The following RHBDF1 variants were observed in gnomAD, a reference collection of about 807,000 sequenced individuals.
RHBDF1 encodes the protein inactive rhomboid protein 1.
Under a neutral mutation model 98.6 loss-of-function variants are expected in RHBDF1, and 80 were observed. That is an observed-to-expected ratio of 0.81 (90% confidence interval 0.68 to 0.98). The LOEUF is 0.98. Among genes scored for constraint, RHBDF1 ranks in the 50% least tolerant of loss-of-function variants. The pLI, the probability that RHBDF1 is intolerant of heterozygous loss-of-function variation, is 0.00. For missense variants in RHBDF1, 1,116 were observed against 1,198.3 expected, an observed-to-expected ratio of 0.93 and a Z score of 1.01; for synonymous variants, 512 against 486.8, an observed-to-expected ratio of 1.05 and a Z score of -0.68.
chr16:64,346 A>G, intron 3 of RHBDF1: 32 of 1,362,364 alleles, frequency 2.3e-5, no homozygotes, highest in Non-Finnish European at 3.1e-5. Flanking sequence ...AGCAGGGACC[A>G]AGAGAGAGAC....
chr16:66,318 A>G (rs1897829172), intron 1 of RHBDF1, among the ~76,000 whole-genome samples: 1 of 152,170 alleles, frequency 6.6e-6, no homozygotes, highest in Non-Finnish European at 1.5e-5. Flanking sequence ...AACTGCTTGG[A>G]GGAAAGCCCC....
Position 61,806 on chromosome 16 carries a change from G to T in RHBDF1, c.1200C>A (p.Asp400Glu). 1.9e-6 allele frequency: 3 copies of T among 1,612,750 alleles called. No homozygotes were observed. The highest frequency in any genetic ancestry group is 2.5e-6 in the Non-Finnish European group (3 of 1,179,688). ...TTGCCTGCCACGCCTACCTGTGGTC[G>T]TCCATGTCCTCGATCTGGCGCTTGA... is the stretch of plus-strand genomic sequence containing the variant. ...SFVKRQIEDMDDHRPFFTYWL... is the reference protein window; with the variant it reads ...SFVKRQIEDMEDHRPFFTYWL... Residue 400 changes from aspartate to glutamate, a missense_variant, in exon 8 of 18, where the codon GAC becomes GAA. By Grantham distance (45) the Asp-to-Glu change is conservative (BLOSUM62 2). Coordinates refer to ENST00000262316, the MANE Select transcript of RHBDF1 (RefSeq NM_022450.5).
Position 58,616 on chromosome 16 carries a change from C to T in RHBDF1, c.2292G>A (p.Leu764=). The T allele has an allele frequency of 6.2e-7, 1 of 1,613,634 alleles. No homozygotes were observed. The stretch of plus-strand genomic sequence containing the variant: ...TGTGGGCAAAGTTGTCAATCCACGG[C>T]AGCAGCCCAAAGGTGAAGAGGAAGA... ...VVLFLFTFGL[L]PWIDNFAHIS... Residue 764 remains leucine, a synonymous_variant, in exon 18 of 18, where the codon CTG becomes CTA. Coordinates refer to ENST00000262316, the MANE Select transcript of RHBDF1 (RefSeq NM_022450.5).
chr16:73,126 G>A (rs926114714), upstream of RHBDF1, among the ~76,000 whole-genome samples: 1 of 152,008 alleles, frequency 6.6e-6, no homozygotes, highest in African/African-American at 2.4e-5. Flanking sequence ...ATACACACAC[G>A]TCCCCACATC....
chr16:62,373 C>G (rs1443117136), intron 7 of RHBDF1, among the ~76,000 whole-genome samples, 165 bp downstream of exon 7: 1 of 152,188 alleles, frequency 6.6e-6, no homozygotes, highest in Non-Finnish European at 1.5e-5. Context: ...GGGGCCATGC[C>G]CAGCTCTGCG....
Position 63,671 on chromosome 16 carries a change from C to T in RHBDF1, c.378G>A (p.Leu126=). Residue 126 remains leucine (L), a synonymous_variant, in exon 4 of 18, where the codon CTG becomes CTA. Coordinates refer to ENST00000262316, the MANE Select transcript of RHBDF1 (RefSeq NM_022450.5). ...LKPQVLRELD[L]PSQDNVSLTS... ...TCAGCGACACGTTGTCCTGGCTGGG[C>T]AGGTCCAGCTCCCGGAGGACCTGGG... 6.2e-7 allele frequency: 1 copy of T among 1,612,142 alleles called. No homozygotes were observed. The highest frequency in any genetic ancestry group is 8.5e-7 in the Non-Finnish European group (1 of 1,179,502).
chr16:65,725 G>A (rs771020887), intron 1 of RHBDF1, among the ~76,000 whole-genome samples: 31 of 152,196 alleles, frequency 2.0e-4, no homozygotes, highest in Non-Finnish European at 4.1e-4. Flanking sequence ...TGTGTGATCG[G>A]TCCAGTGCAT....
In RHBDF1 at chr16:62,924, C is replaced by T. The variant is rs969999817; in HGVS notation, c.673-27G>A. ...TGGGGACGGGGAAGTGAGCATGAGACCCGGCTGCTGGGTCGGCCCCCAACC... is the reference window on the plus strand; with the variant it reads ...TGGGGACGGGGAAGTGAGCATGAGATCCGGCTGCTGGGTCGGCCCCCAACC... On this transcript the variant is annotated intron_variant, in intron 5 of 17. Coordinates refer to ENST00000262316, the MANE Select transcript of RHBDF1 (RefSeq NM_022450.5). 5 of 1,613,162 alleles carry T rather than the reference C, an allele frequency of 3.1e-6. No individual in the cohort carries two copies. In the South Asian group the frequency reaches 4.4e-5, roughly 14 times the overall value.
intron 1 of RHBDF1, among the ~76,000 whole-genome samples, chr16:66,252 C>G (rs990543661): frequency 3.9e-5 from 6 of 152,170 alleles, no homozygotes; most frequent in Admixed American, 1.3e-4. Flanking sequence ...GCCGCTGGGT[C>G]GGCAACCCAC....
Position 59,011 on chromosome 16 carries a change from T to C in RHBDF1, c.2111A>G (p.Asn704Ser), listed in dbSNP as rs1596463446. 2 of 1,613,128 alleles carry C rather than the reference T, an allele frequency of 1.2e-6. No individual in the cohort carries two copies. Among genetic ancestry groups the C allele is most frequent in the African/African-American group, 1.3e-5 (1 of 75,016 alleles). ...TGGCAGGAAGATGGCACTGGCCAGG[T>C]TGCCGGTGACACCACTCAGCAGGTA... ...IIYLLSGVTG[N>S]LASAIFLPYR... The change falls in exon 17 of 18, where the codon AAC (asparagine) becomes AGC (serine). Residue 704 changes from asparagine to serine, a missense_variant. By Grantham distance (46) the Asn-to-Ser change is conservative. Transcript: ENST00000262316.
chr16:69,438 C>T (rs554941197), intron 1 of RHBDF1, among the ~76,000 whole-genome samples: 60 of 152,240 alleles, frequency 3.9e-4, no homozygotes, highest in Non-Finnish European at 7.4e-4. Flanking sequence ...GGCCTCACCC[C>T]GGGACACCTT....
intron 3 of RHBDF1, chr16:64,043 C>T: frequency 1.5e-6 from 1 of 672,820 alleles, no homozygotes; most frequent in Non-Finnish European, 2.7e-6. Context: ...TTCATAGAGG[C>T]CCTCACCCCA....
intron 1 of RHBDF1, among the ~76,000 whole-genome samples, chr16:67,310 G>T (rs1474577277): frequency 1.3e-5 from 2 of 152,352 alleles, no homozygotes; most frequent in African/African-American, 4.8e-5. Context: ...CATTATGGGG[G>T]CCAGAGAGGA....
chr16:61,926 C>T lies in RHBDF1; in HGVS notation c.1080G>A (p.Val360=). The T allele has an allele frequency of 6.2e-7, 1 of 1,601,092 alleles. No individual in the cohort carries two copies. The highest frequency in any genetic ancestry group is 1.1e-5 in the South Asian group (1 of 90,990). Residue 360 remains valine (V), a synonymous_variant, in exon 8 of 18, where the codon GTG becomes GTA. Coordinates refer to ENST00000262316, the MANE Select transcript of RHBDF1 (RefSeq NM_022450.5). The part of the protein sequence containing the change: ...PRRGQRIAVP[V]RKLFAREKRP... ...GCTTCTCCCGGGCGAAGAGCTTGCG[C>T]ACCGGCACCGCGATACGCTGGCCCC...
chr16:72,388 C>T (rs1450826055), intron 1 of RHBDF1, 125 bp downstream of exon 1: 7 of 380,334 alleles, frequency 1.8e-5, no homozygotes, highest in Non-Finnish European at 2.5e-5. Flanking sequence ...GCCCCGGCCC[C>T]GACACGGCCC....
At position 61,711 on chromosome 16, in the gene RHBDF1, G is replaced by A. The variant is rs750785112; in HGVS notation, c.1209-15C>T. ...TGAAGAAGGGCCTGCGGGGTGGAGC[G>A]TCAGCGGGGGCCTCATCCCCGACCC... On this transcript the variant is annotated splice_polypyrimidine_tract_variant and intron_variant, in intron 8 of 17. Coordinates refer to ENST00000262316, the MANE Select transcript of RHBDF1 (RefSeq NM_022450.5). 49 of 1,612,830 alleles carry A rather than the reference G, an allele frequency of 3.0e-5. No individual in the cohort carries two copies. The highest frequency in any genetic ancestry group is 1.3e-4 in the African/African-American group (10 of 74,908).
intron 13 of RHBDF1, 45 bp downstream of exon 13, chr16:60,169 CCA>C: frequency 6.2e-7 from 1 of 1,613,188 alleles, no homozygotes; most frequent in East Asian, 2.2e-5. Flanking sequence ...GCATTCTCTC[CCA>C]CATGACACGG....
chr16:60,313 C>T (rs1180385289), intron 12 of RHBDF1, 34 bp from the exon 13 acceptor site: 26 of 1,613,236 alleles, frequency 1.6e-5, no homozygotes, highest in South Asian at 3.3e-5. Context: ...AGACCGGCTT[C>T]GAGCCCCTAG....
rs1185125476 is a variant in RHBDF1, at chr16:61,205, G to A, written c.1472C>T (p.Ser491Leu). 3.4e-5 allele frequency: 52 copies of A among 1,544,778 alleles called. No individual in the cohort carries two copies. The highest frequency in any genetic ancestry group is 7.9e-5 in the Admixed American group (4 of 50,894). ...QDPQVHSFIR[S>L]AREREKHSAC... ...GGAGTGCTTCTCGCGCTCGCGCGCC[G>A]AGCGAATGAAGCTGTGCACCTGCGG... Residue 491 changes from serine (S) to leucine (L), a missense_variant, in exon 11 of 18, where the codon TCG (serine) becomes TTG (leucine). By Grantham distance (145) the Ser-to-Leu change is moderately radical. Coordinates refer to ENST00000262316, the MANE Select transcript of RHBDF1 (RefSeq NM_022450.5).
Sources: allele counts gnomAD v4.1 joint callset (sites outside exome capture counted in the v4.1 genomes callset), GRCh38; gene constraint gnomAD v4.1.1; transcripts MANE v1.5; gene names NCBI Gene and HGNC (gene_info 2026-07-23, HGNC 2026-07-21).